CHIC2: variants seen among roughly 807,000 people sequenced by gnomAD.
The protein encoded by CHIC2 is cysteine rich hydrophobic domain 2.
CHIC2 carries 14 observed loss-of-function variants against 25.9 expected under a neutral mutation model. That is an observed-to-expected ratio of 0.54 (90% CI 0.36 to 0.85). The LOEUF is 0.85. CHIC2 is among the 40% of genes least tolerant of loss of function. CHIC2 has a pLI of 0.01. For missense variants in CHIC2, 146 were observed against 202.0 expected (o/e 0.72, Z 1.68); for synonymous variants, 70 against 72.0 (o/e 0.97, Z 0.14).
intron 3 of CHIC2, among the ~76,000 whole-genome samples, chr4:54,021,070 C>T (rs1715885501): frequency 6.6e-6 from 1 of 152,104 alleles, no homozygotes; most frequent in Non-Finnish European, 1.5e-5. Context: ...TTCCACCCTC[C>T]ATTCCCCCTT....
intron 3 of CHIC2, among the ~76,000 whole-genome samples, chr4:54,017,152 T>G (rs1048654186): frequency 6.6e-6 from 1 of 152,324 alleles, no homozygotes; most frequent in African/African-American, 2.4e-5. Flanking sequence ...CTATTTCTAA[T>G]GAAATGTAAG....
chr4:54,018,581 T>C (rs183158236), intron 3 of CHIC2, among the ~76,000 whole-genome samples: 2 of 152,078 alleles, frequency 1.3e-5, no homozygotes, highest in African/African-American at 4.8e-5. Context: ...AGTGGTTTTC[T>C]AGACATTACT....
chr4:54,089,783 G>C, the CHIC2 span, among the ~76,000 whole-genome samples: 1 of 152,190 alleles, frequency 6.6e-6, no homozygotes, highest in African/African-American at 2.4e-5. Context: ...AGAAGTCATA[G>C]TAAAGGATGA....
At chr4:54,038,002 G>A (rs754530987) in intron 3 of CHIC2, among the ~76,000 whole-genome samples, 16 of 151,904 alleles carry the variant, frequency 1.1e-4, no homozygotes, top group Non-Finnish European at 2.1e-4. Context: ...TATATCCAAA[G>A]CAAGGAGAAG....
chr4:54,065,201 T>G (rs890276839), upstream of CHIC2: 1 of 504,752 alleles, frequency 2.0e-6, no homozygotes, highest in Non-Finnish European at 2.6e-6. Context: ...TTGATCCCCT[T>G]AAGTATAATC....
At chr4:54,027,635 T>G (rs1265565239) in intron 3 of CHIC2, among the ~76,000 whole-genome samples, 1 of 152,226 alleles carries the variant, frequency 6.6e-6, no homozygotes, top group East Asian at 1.9e-4. Context: ...ATGGGGAAGA[T>G]AGTGAAGAAG....
chr4:54,039,170 G>C (rs1019807939), intron 3 of CHIC2, among the ~76,000 whole-genome samples: 2 of 152,090 alleles, frequency 1.3e-5, no homozygotes, highest in African/African-American at 4.8e-5. Flanking sequence ...AAATTTTCAT[G>C]ACCTTGGTTT....
intron 3 of CHIC2, 158 bp downstream of exon 3, chr4:54,048,797 A>G (rs915365930): frequency 1.1e-5 from 6 of 543,878 alleles, no homozygotes; most frequent in Non-Finnish European, 1.8e-5. Context: ...ACTTGGATAT[A>G]TAGTAACTTT....
chr4:54,028,573 A>C (rs965791052), intron 3 of CHIC2, among the ~76,000 whole-genome samples: 3 of 152,254 alleles, frequency 2.0e-5, no homozygotes, highest in African/African-American at 4.8e-5. Context: ...TGATGTTACC[A>C]TGATATTTTC....
At position 54,061,695 on chromosome 4, in the gene CHIC2, C is replaced by T. The variant is rs1400970642; in HGVS notation, c.119+2487G>A. Among the ~76,000 whole-genome samples, 3 of 152,150 alleles carry T rather than the reference C, an allele frequency of 2.0e-5. No homozygotes were observed. In the East Asian group the frequency reaches 5.8e-4, roughly 29 times the overall value. ...AGATGTTAACTGGGCTACCCACTGG[C>T]ATGGTGTGCTAGTGTGCCTGGGAAT... On this transcript the variant is annotated intron_variant, in intron 1 of 5. Coordinates refer to ENST00000263921, the MANE Select transcript of CHIC2 (RefSeq NM_012110.4).
upstream of CHIC2, among the ~76,000 whole-genome samples, chr4:54,065,526 G>C (rs1304026086): frequency 6.6e-6 from 1 of 152,186 alleles, no homozygotes; most frequent in Non-Finnish European, 1.5e-5. Context: ...AGAAGAATGG[G>C]AGAGAAAGAA....
At chr4:54,071,578 T>C in the CHIC2 span, among the ~76,000 whole-genome samples, 1 of 152,260 alleles carries the variant, frequency 6.6e-6, no homozygotes, top group Non-Finnish European at 1.5e-5. Context: ...ATCTTACCAC[T>C]ATGCTACACT....
At chr4:54,068,594 T>G (rs1717561078), upstream of CHIC2, among the ~76,000 whole-genome samples, 1 of 152,178 alleles carries the variant, frequency 6.6e-6, no homozygotes, top group African/African-American at 2.4e-5. Flanking sequence ...GGCAGCCTAT[T>G]TGTGTGGAAA....
At chr4:54,025,841 T>G (rs1716041776) in intron 3 of CHIC2, among the ~76,000 whole-genome samples, 1 of 128,720 alleles carries the variant, frequency 7.8e-6, no homozygotes, top group Admixed American at 8.3e-5. Flanking sequence ...GGCAACAGAG[T>G]AAGACCCTGT....
At chr4:54,085,626 G>A in the CHIC2 span, among the ~76,000 whole-genome samples, 3 of 152,194 alleles carry the variant, frequency 2.0e-5, no homozygotes, top group Non-Finnish European at 4.4e-5. Flanking sequence ...TCAACCCTGT[G>A]TAAATTATAA....
intron 1 of CHIC2, among the ~76,000 whole-genome samples, chr4:54,059,138 T>C (rs561214049): frequency 7.2e-4 from 109 of 152,298 alleles, no homozygotes; most frequent in African/African-American, 2.5e-3. Flanking sequence ...ATAAAATGCA[T>C]AGAATTTTTT....
In CHIC2 at chr4:54,064,214, C is replaced by A; in HGVS notation, c.87G>T (p.Pro29=). 6 of 1,606,488 alleles carry A rather than the reference C, an allele frequency of 3.7e-6. No homozygotes were observed. Among genetic ancestry groups the A allele is most frequent in the Non-Finnish European group, 5.1e-6 (6 of 1,176,672 alleles). Residue 29 remains proline, a synonymous_variant, in exon 1 of 6, where the codon CCG becomes CCT. Transcript: ENST00000263921. The surrounding 1 kb of genome is among the most constrained non-coding windows in gnomAD (Gnocchi z 4.2). ...CGTGACCGGAGCCGCGGACGACCAC[C>A]GGGTCCGGCGAGTACTTGAGCAGCT... ...EEQLLKYSPD[P]VVVRGSGHVT...
the CHIC2 span, among the ~76,000 whole-genome samples, chr4:54,090,734 G>A: frequency 6.6e-6 from 1 of 152,144 alleles, no homozygotes; most frequent in Non-Finnish European, 1.5e-5. Context: ...AGAGAAGGTG[G>A]ATTCACATCC....
chr4:54,022,836 C>A (rs1484031827), intron 3 of CHIC2, among the ~76,000 whole-genome samples: 1 of 152,186 alleles, frequency 6.6e-6, no homozygotes, highest in African/African-American at 2.4e-5. Context: ...AGCCTGTTAT[C>A]ACTTGCCTGT....
Sources: allele counts gnomAD v4.1 joint callset (sites outside exome capture counted in the v4.1 genomes callset), GRCh38; gene constraint gnomAD v4.1.1; non-coding constraint Gnocchi (gnomAD v3.1); transcripts MANE v1.5; gene names NCBI Gene and HGNC (gene_info 2026-07-23, HGNC 2026-07-21).